The following MATN1 variants were observed in gnomAD, a reference collection of about 807,000 sequenced individuals.
MATN1 encodes the protein matrilin 1, also known as matrilin-1.
A neutral mutation model predicts 41.3 loss-of-function variants in MATN1; 34 were observed. The ratio of observed to expected loss-of-function variants is 0.82; its 90% CI spans 0.63 to 1.10. The LOEUF (loss-of-function observed/expected upper bound fraction) is 1.10. MATN1 is among the 50% of genes least tolerant of loss of function. MATN1 has a pLI of 0.00. For missense variants in MATN1, 602 were observed against 662.4 expected, an observed-to-expected ratio of 0.91 and a Z score of 1.00; for synonymous variants, 264 against 278.7, an observed-to-expected ratio of 0.95 and a Z score of 0.53.
chr1:30,715,778 ATCC>A (rs1639610447), intron 5 of MATN1, 128 bp downstream of exon 5: 4 of 884,550 alleles, frequency 4.5e-6, no homozygotes, highest in South Asian at 3.6e-5. Context: ...GGACTAACCA[ATCC>A]TCCTCATTCA....
chr1:30,715,505 TAGTG>T lies in MATN1; in HGVS notation c.1208-200_1208-197del, dbSNP rs1193746551. Among the ~76,000 whole-genome samples, 3 of 152,362 alleles carry T rather than the reference TAGTG, an allele frequency of 2.0e-5. No homozygotes were observed. In the East Asian group the frequency reaches 5.8e-4, roughly 29 times the overall value. On this transcript the variant is annotated intron_variant, in intron 5 of 7. Coordinates refer to ENST00000373765, the MANE Select transcript of MATN1 (RefSeq NM_002379.3). ...AGGTTCTGCTCTGTGTCAGACCCTATAGTGACTTCCTGTACTGGAAGCTTTGTAC... is the reference window on the plus strand; with the variant it reads ...AGGTTCTGCTCTGTGTCAGACCCTATACTTCCTGTACTGGAAGCTTTGTAC...
At position 30,721,655 on chromosome 1, in the gene MATN1, A is replaced by G; in HGVS notation, c.191T>C (p.Leu64Pro). 2 of 1,613,486 alleles carry G rather than the reference A, an allele frequency of 1.2e-6. No individual in the cohort carries two copies. The highest frequency in any genetic ancestry group is 1.7e-6 in the Non-Finnish European group (2 of 1,180,046). ...PVEFEKVKVF[L>P]SQVIESLDVG... ...GTCCAGCGACTCGATGACCTGGGAC[A>G]GGAATACCTTCACTTTCTCAAATTC... Residue 64 changes from leucine (L) to proline (P), a missense_variant, in exon 2 of 8, where the codon CTG becomes CCG. By Grantham distance (98) the Leu-to-Pro change is moderately conservative. Transcript: ENST00000373765.
rs1639578465 is a variant in MATN1 at position 30,713,410 on chromosome 1, TACAC to T, written c.*168_*171del. 4.7e-6 allele frequency: 3 copies of T among 641,534 alleles called. No individual in the cohort carries two copies. Among genetic ancestry groups the T allele is most frequent in the Admixed American group, 4.6e-5 (2 of 43,198 alleles). The allele number at this position is 641,534 out of a possible 1,614,324, so 39.7% of individuals were successfully genotyped here. On this transcript the variant is annotated 3_prime_UTR_variant, in exon 8 of 8. Transcript: ENST00000373765. The stretch of plus-strand genomic sequence containing the variant: ...ACACACACACACACACATGCACACA[TACAC>T]ACACGCACACATACACACACGAGCT...
At chr1:30,717,659 G>T (rs7551867) in intron 3 of MATN1, among the ~76,000 whole-genome samples, 41,872 of 93,898 alleles carry the variant, frequency 0.45, 10,536 homozygotes, top group African/African-American at 0.74. Flanking sequence ...TTTTTGTTTT[G>T]TTTTTTTTTT....
chr1:30,713,690 G>A, intron 7 of MATN1, 59 bp from the exon 8 acceptor site: 2 of 1,412,782 alleles, frequency 1.4e-6, no homozygotes, highest in Non-Finnish European at 2.0e-6. Flanking sequence ...GATGGCTGTG[G>A]CCCTGCACTC....
chr1:30,718,563 T>A, intron 3 of MATN1, 172 bp downstream of exon 3: 1 of 189,864 alleles, frequency 5.3e-6, no homozygotes, highest in Non-Finnish European at 8.9e-6. Context: ...GCACTGACAT[T>A]CTATCTCTCT....
intron 3 of MATN1, among the ~76,000 whole-genome samples, chr1:30,717,325 T>G (rs751425512): frequency 6.6e-6 from 1 of 152,200 alleles, no homozygotes; most frequent in Non-Finnish European, 1.5e-5. Context: ...GTGCATGCTC[T>G]TCTTAGACCC....
chr1:30,712,515 C>A lies in MATN1; in HGVS notation c.*1067G>T, dbSNP rs1639559419. 1 of 152,472 alleles carries A rather than the reference C, an allele frequency of 6.6e-6. No individual in the cohort carries two copies. The highest frequency in any genetic ancestry group is 6.5e-5 in the Admixed American group (1 of 15,280). 9.4% of individuals were successfully genotyped at this position (152,472 alleles called of 1,614,324 possible). A position where few individuals can be genotyped will look rare whatever the true frequency, so the allele number is the denominator to read the frequency against. ...AGCCCAGGCCCAGGCTGGAGCCCTT[C>A]CCATCATCTCACACACACACTCACC... On this transcript the variant is annotated 3_prime_UTR_variant, in exon 8 of 8. Coordinates refer to ENST00000373765, the MANE Select transcript of MATN1 (RefSeq NM_002379.3).
intron 6 of MATN1, among the ~76,000 whole-genome samples, chr1:30,714,885 A>G (rs1401191730): frequency 1.3e-5 from 2 of 152,152 alleles, no homozygotes; most frequent in Non-Finnish European, 2.9e-5. Flanking sequence ...TGTTTATCCC[A>G]TCTATAAAAT....
At chr1:30,715,450 C>T in intron 5 of MATN1, 141 bp from the exon 6 acceptor site, 1 of 731,518 alleles carries the variant, frequency 1.4e-6, no homozygotes, top group Non-Finnish European at 2.3e-6. Flanking sequence ...ATGCCTGGAA[C>T]AAGGACAATG....
At chr1:30,715,416 G>T in intron 5 of MATN1, 107 bp from the exon 6 acceptor site, 1 of 1,038,898 alleles carries the variant, frequency 9.6e-7, no homozygotes, top group Non-Finnish European at 1.4e-6. Context: ...CCTCCTGCTG[G>T]CAGCTGCTGG....
chr1:30,718,285 C>T (rs1639648620), intron 3 of MATN1, among the ~76,000 whole-genome samples: 1 of 151,810 alleles, frequency 6.6e-6, no homozygotes, highest in Admixed American at 6.6e-5. Context: ...TCAGCGCGGA[C>T]TCTCAGTCTC....
chr1:30,714,930 T>C (rs1256666138), intron 6 of MATN1, among the ~76,000 whole-genome samples: 1 of 152,198 alleles, frequency 6.6e-6, no homozygotes, highest in Non-Finnish European at 1.5e-5. Flanking sequence ...TAGGATCGGA[T>C]GATGTAATAT....
intron 3 of MATN1, 96 bp downstream of exon 3, chr1:30,718,639 C>T (rs1325548675): frequency 4.0e-6 from 2 of 506,112 alleles, no homozygotes; most frequent in Non-Finnish European, 5.7e-6. Context: ...GCTCCGTCTG[C>T]GCCTCAGCCT....
At position 30,718,740 on chromosome 1, in the gene MATN1, A is replaced by G. The variant is rs751760528; in HGVS notation, c.659T>C (p.Phe220Ser). Residue 220 changes from phenylalanine (F) to serine (S), a missense_variant, in exon 3 of 8, where the codon TTC becomes TCC. Phe to Ser is a radical substitution (Grantham distance 155, BLOSUM62 -2). Coordinates refer to ENST00000373765, the MANE Select transcript of MATN1 (RefSeq NM_002379.3). ...EKLSRKFQEA[F>S]CVVSDLCATG... ...GCCCCCGCCTGCCCGCGCACCGCAG[A>G]AGGCCTCCTGGAACTTCCTGGACAG... The G allele has an allele frequency of 2.5e-6, 4 of 1,580,104 alleles. No homozygotes were observed. In the Admixed American group the frequency reaches 5.2e-5, roughly 21 times the overall value.
chr1:30,716,919 C>A lies in MATN1; in HGVS notation c.665-4G>T, dbSNP rs774003936. ...GTGGCGCACAGGTCTGACACCACTG[C>A]GGGGACAATAAGTAGCTCAGATCTC... On this transcript the variant is annotated splice_region_variant and splice_polypyrimidine_tract_variant and intron_variant, in intron 3 of 7. Transcript: ENST00000373765. 3 of 1,610,796 alleles carry A rather than the reference C, an allele frequency of 1.9e-6. No individual in the cohort carries two copies. Among genetic ancestry groups the A allele is most frequent in the Non-Finnish European group, 2.5e-6 (3 of 1,178,484 alleles).
chr1:30,723,266 C>T (rs1305940362), intron 1 of MATN1, among the ~76,000 whole-genome samples, 192 bp downstream of exon 1: 1 of 152,142 alleles, frequency 6.6e-6, no homozygotes, highest in Non-Finnish European at 1.5e-5. Context: ...CTGAGGAGCA[C>T]CCCTGCCCTG....
intron 6 of MATN1, 148 bp from the exon 7 acceptor site, chr1:30,714,475 T>C (rs769889384): frequency 1.3e-5 from 9 of 672,472 alleles, no homozygotes; most frequent in Non-Finnish European, 1.9e-5. Context: ...AAGATATAGA[T>C]AGTCCTTGAG....
intron 3 of MATN1, among the ~76,000 whole-genome samples, chr1:30,717,466 C>T (rs1470845689): frequency 6.6e-6 from 1 of 151,968 alleles, no homozygotes; most frequent in Admixed American, 6.5e-5. Flanking sequence ...CCTTCTCCTG[C>T]CAGTGCCCAG....
Sources: allele counts gnomAD v4.1 joint callset (sites outside exome capture counted in the v4.1 genomes callset), GRCh38; gene constraint gnomAD v4.1.1; transcripts MANE v1.5; gene names NCBI Gene and HGNC (gene_info 2026-07-23, HGNC 2026-07-21).